SHCBP1L: variants seen among roughly 807,000 people sequenced by gnomAD.
SHCBP1L encodes SHC binding and spindle associated 1 like.
SHCBP1L carries 67 observed loss-of-function variants against 62.5 expected under a neutral mutation model. The observed-to-expected ratio is 1.07, with a 90% CI of 0.88 to 1.31. The LOEUF (loss-of-function observed/expected upper bound fraction) is 1.31, where lower values mean the gene tolerates loss of function less well. Among genes scored for constraint, SHCBP1L ranks in the 40% most tolerant of loss-of-function variants. SHCBP1L has a pLI of 0.00. For missense variants in SHCBP1L, 823 were observed against 809.8 expected, an observed-to-expected ratio of 1.02 and a Z score of -0.20; for synonymous variants, 284 against 289.4, an observed-to-expected ratio of 0.98 and a Z score of 0.19.
At chr1:182,908,893 G>A (rs1650095933) in intron 6 of SHCBP1L, among the ~76,000 whole-genome samples, 1 of 152,142 alleles carries the variant, frequency 6.6e-6, no homozygotes, top group African/African-American at 2.4e-5. Flanking sequence ...TAAAAAATTT[G>A]TACAATATTT....
intron 6 of SHCBP1L, among the ~76,000 whole-genome samples, chr1:182,920,287 T>A (rs1243305159): frequency 6.6e-6 from 1 of 152,052 alleles, no homozygotes; most frequent in Admixed American, 6.5e-5. Flanking sequence ...CCCCCCAGGG[T>A]TGCGCATGCA....
At chr1:182,944,104 G>C (rs979491651) in intron 2 of SHCBP1L, among the ~76,000 whole-genome samples, 1 of 90,692 alleles carries the variant, frequency 1.1e-5, no homozygotes, top group African/African-American at 6.3e-5. Context: ...CTGGGCAACA[G>C]AGCAAGACTA....
intron 6 of SHCBP1L, among the ~76,000 whole-genome samples, chr1:182,915,686 A>G (rs1164970305): frequency 2.2e-4 from 33 of 152,222 alleles, no homozygotes; most frequent in Admixed American, 2.2e-3. Flanking sequence ...ACCATCTATT[A>G]GGCCACAAAA....
At position 182,899,959 on chromosome 1, in the gene SHCBP1L, A is replaced by T; in HGVS notation, c.*24T>A. On this transcript the variant is annotated 3_prime_UTR_variant, in exon 10 of 10. Coordinates refer to ENST00000367547, the MANE Select transcript of SHCBP1L (RefSeq NM_030933.4). The stretch of plus-strand genomic sequence containing the variant: ...TATTAAACAAATTTGTGAAATATAA[A>T]ACTTTAACATCAATTCAGACGCTTT... 2 of 1,546,074 alleles carry T rather than the reference A, an allele frequency of 1.3e-6. No individual in the cohort carries two copies. The highest frequency in any genetic ancestry group is 1.7e-6 in the Non-Finnish European group (2 of 1,148,298).
At chr1:182,940,206 A>T (rs184674018) in intron 3 of SHCBP1L, 123 bp downstream of exon 3, 2 of 675,164 alleles carry the variant, frequency 3.0e-6, no homozygotes, top group African/African-American at 3.7e-5. Context: ...GGACAAATTT[A>T]ATCCAGCAGT....
intron 9 of SHCBP1L, among the ~76,000 whole-genome samples, chr1:182,901,258 G>A (rs1415275853): frequency 6.6e-6 from 1 of 152,104 alleles, no homozygotes; most frequent in Non-Finnish European, 1.5e-5. Context: ...AGTAGTTCGA[G>A]ACCAGCCTGA....
At chr1:182,936,320 G>T (rs1651170111) in intron 5 of SHCBP1L, among the ~76,000 whole-genome samples, 1 of 151,622 alleles carries the variant, frequency 6.6e-6, no homozygotes, top group African/African-American at 2.4e-5. Flanking sequence ...ATTTTTAGTA[G>T]AGATGGGGTT....
intron 5 of SHCBP1L, among the ~76,000 whole-genome samples, chr1:182,934,030 T>C (rs148219067): frequency 6.6e-6 from 1 of 152,288 alleles, no homozygotes; most frequent in African/African-American, 2.4e-5. Context: ...CCAGTCAGAA[T>C]TTATGTTTCT....
At chr1:182,936,035 G>A (rs1437612706) in intron 5 of SHCBP1L, among the ~76,000 whole-genome samples, 1 of 151,094 alleles carries the variant, frequency 6.6e-6, no homozygotes, top group African/African-American at 2.4e-5. Context: ...TATTGTAGCT[G>A]GTTTCTATTA....
rs757626990 is a variant in SHCBP1L at position 182,939,198 on chromosome 1, T to G, written c.1054A>C (p.Met352Leu). Residue 352 changes from methionine to leucine, a missense_variant, in exon 5 of 10, where the codon ATG becomes CTG. Met to Leu is a conservative substitution (Grantham distance 15, BLOSUM62 2). Transcript: ENST00000367547. ...EIVMLCGLLKMWEDLRLRVHG... is the reference protein window; with the variant it reads ...EIVMLCGLLKLWEDLRLRVHG... ...TACCGGAGGCGTAAATCTTCCCACA[T>G]TTTCAGTAATCCACAGAGCATGACT... The G allele has an allele frequency of 6.2e-7, 1 of 1,610,760 alleles. No homozygotes were observed. Among genetic ancestry groups the G allele is most frequent in the African/African-American group, 1.3e-5 (1 of 74,760 alleles).
At chr1:182,943,989 T>C (rs763337405) in intron 2 of SHCBP1L, among the ~76,000 whole-genome samples, 17 of 150,622 alleles carry the variant, frequency 1.1e-4, no homozygotes, top group East Asian at 2.0e-4. Context: ...GGAGTGGTGG[T>C]GCGTGCCTGT....
rs72253101 is a variant in SHCBP1L at position 182,906,432 on chromosome 1, C to CT, written c.1183-784dup. ...CCAGTTTTAGTAAATGAACAAAATT[C>CT]TTTTTTTTTTTTTTCCGAGATCGAA... On this transcript the variant is annotated intron_variant, in intron 6 of 9. Transcript: ENST00000367547. Among the ~76,000 whole-genome samples, 675 of 142,292 alleles carry CT rather than the reference C, an allele frequency of 4.7e-3. 3 individuals are homozygous for CT. Among genetic ancestry groups the CT allele is most frequent in the African/African-American group, 6.6e-3 (258 of 39,230 alleles). 93.3% of individuals were successfully genotyped at this position (142,292 alleles called of 152,430 possible). A position where few individuals can be genotyped will look rare whatever the true frequency, so the allele number is the denominator to read the frequency against.
chr1:182,950,056 T>C (rs1651696185), intron 2 of SHCBP1L, among the ~76,000 whole-genome samples: 1 of 152,154 alleles, frequency 6.6e-6, no homozygotes, highest in African/African-American at 2.4e-5. Context: ...GTGTTGGGAC[T>C]ACAGGCGTGA....
At chr1:182,936,751 AC>A (rs1651189644) in intron 5 of SHCBP1L, among the ~76,000 whole-genome samples, 1 of 152,110 alleles carries the variant, frequency 6.6e-6, no homozygotes, top group South Asian at 2.1e-4. Flanking sequence ...AGATCAATCA[AC>A]AATAAGAAAA....
rs773655887 is a variant in SHCBP1L at position 182,939,546 on chromosome 1, A to T, written c.778T>A (p.Tyr260Asn). ...ALALEVVRFF[Y>N]DFLWRDWDDE... ...TCCCAGTCTCTCCAAAGAAAGTCAT[A>T]AAAAAACCTACGATAAACCAAATTA... is the stretch of plus-strand genomic sequence containing the variant. Residue 260 changes from tyrosine (Y) to asparagine (N), a missense_variant, in exon 4 of 10, where the codon TAT becomes AAT. By Grantham distance (143) the Tyr-to-Asn change is moderately radical (BLOSUM62 -2). Transcript: ENST00000367547. The T allele has an allele frequency of 1.2e-6, 2 of 1,600,126 alleles. No individual in the cohort carries two copies. The highest frequency in any genetic ancestry group is 1.7e-6 in the Non-Finnish European group (2 of 1,174,434).
Position 182,952,844 on chromosome 1 carries a change from G to A in SHCBP1L, c.290C>T (p.Pro97Leu), listed in dbSNP as rs755734212. 1.2e-6 allele frequency: 2 copies of A among 1,611,104 alleles called. No homozygotes were observed. The highest frequency in any genetic ancestry group is 8.5e-7 in the Non-Finnish European group (1 of 1,179,148). ...GGGCTGCGCCTCCTCTTCATCCTCA[G>A]GCACTGGCAGCAGGGGCTCCTCCGC... Reference protein sequence around the residue: ...AAAEEPLLPVPEDEEEAQPLP... With the variant: ...AAAEEPLLPVLEDEEEAQPLP... The change falls in exon 1 of 10, where the codon CCT becomes CTT. Residue 97 changes from proline (P) to leucine (L), a missense_variant. By Grantham distance (98) the Pro-to-Leu change is moderately conservative. Transcript: ENST00000367547.
At chr1:182,929,514 C>G (rs1319546139) in intron 6 of SHCBP1L, 133 bp downstream of exon 6, 1 of 525,632 alleles carries the variant, frequency 1.9e-6, no homozygotes, top group Non-Finnish European at 3.3e-6. Flanking sequence ...TATTATATGG[C>G]AATAACTGAG....
At chr1:182,927,050 C>CTATATA (rs58308065) in intron 6 of SHCBP1L, among the ~76,000 whole-genome samples, 16 of 90,582 alleles carry the variant, frequency 1.8e-4, no homozygotes, top group Non-Finnish European at 2.9e-4. Context: ...TTAACTAGCA[C>CTATATA]TATATATATA....
chr1:182,940,570 A>G, intron 2 of SHCBP1L, 27 bp from the exon 3 acceptor site: 1 of 1,580,770 alleles, frequency 6.3e-7, no homozygotes. Context: ...AAGAGATAAG[A>G]GATATAGTTA....
Sources: allele counts gnomAD v4.1 joint callset (sites outside exome capture counted in the v4.1 genomes callset), GRCh38; gene constraint gnomAD v4.1.1; transcripts MANE v1.5; gene names NCBI Gene and HGNC (gene_info 2026-07-23, HGNC 2026-07-21).